The following MTCL3 variants were observed in gnomAD, a reference collection of about 807,000 sequenced individuals.
MTCL3 encodes the protein microtubule cross-linking factor 3.
At chr6:127,475,556 G>A in the MTCL3 span, 1 of 1,610,878 alleles carries the variant, frequency 6.2e-7, no homozygotes, top group South Asian at 1.1e-5. This position sits in a 1 kb window ranked among gnomAD's most constrained non-coding sequence, Gnocchi z 7.3. Flanking sequence ...TTGCCCAGGC[G>A]CTCGGCCTCC....
chr6:127,496,001 G>A, the MTCL3 span, among the ~76,000 whole-genome samples: 3 of 152,060 alleles, frequency 2.0e-5, no homozygotes, highest in South Asian at 2.1e-4. Flanking sequence ...AGGCTGAGGC[G>A]GGTGGACTGC....
chr6:127,490,646 G>A, the MTCL3 span, among the ~76,000 whole-genome samples: 97 of 152,024 alleles, frequency 6.4e-4, no homozygotes, highest in Middle Eastern at 0.024. Context: ...GTGAAACTCC[G>A]TCTCTACTAA....
At chr6:127,509,669 C>A in the MTCL3 span, among the ~76,000 whole-genome samples, 4 of 152,154 alleles carry the variant, frequency 2.6e-5, no homozygotes, top group Admixed American at 2.0e-4. Flanking sequence ...CATCACTCAC[C>A]AAATTAACCA....
At chr6:127,476,487 G>C in the MTCL3 span, 13 of 1,538,972 alleles carry the variant, frequency 8.4e-6, no homozygotes, top group Non-Finnish European at 1.1e-5. The surrounding 1 kb of genome is among the most constrained non-coding windows in gnomAD (Gnocchi z 4.4). Flanking sequence ...GGGGAAAAGA[G>C]GGAAAAGGAT....
At chr6:127,497,717 A>G in the MTCL3 span, among the ~76,000 whole-genome samples, 2 of 152,220 alleles carry the variant, frequency 1.3e-5, no homozygotes, top group African/African-American at 4.8e-5. Context: ...AAAAAGCCAC[A>G]CAGTGAGTAT....
At chr6:127,516,765 G>C in the MTCL3 span, 1 of 1,327,050 alleles carries the variant, frequency 7.5e-7, no homozygotes, top group East Asian at 2.6e-5. Context: ...AGCAAAGGGT[G>C]ATATTGCTCC....
At chr6:127,493,818 AT>A in the MTCL3 span, among the ~76,000 whole-genome samples, 1 of 152,170 alleles carries the variant, frequency 6.6e-6, no homozygotes, top group South Asian at 2.1e-4. Flanking sequence ...ATTTTGTTTT[AT>A]TTTTTTAAAT....
the MTCL3 span, among the ~76,000 whole-genome samples, chr6:127,490,609 G>A: frequency 3.3e-5 from 5 of 151,856 alleles, no homozygotes; most frequent in Non-Finnish European, 7.4e-5. Flanking sequence ...ATGAGGTCAA[G>A]AGATTGAGAC....
chr6:127,487,143 G>A, the MTCL3 span, among the ~76,000 whole-genome samples: 1 of 152,062 alleles, frequency 6.6e-6, no homozygotes, highest in Non-Finnish European at 1.5e-5. Context: ...TGGATTTATC[G>A]CTCAGCTAGC....
the MTCL3 span, among the ~76,000 whole-genome samples, chr6:127,492,251 C>T: frequency 1.3e-4 from 20 of 152,132 alleles, no homozygotes; most frequent in Non-Finnish European, 2.6e-4. Context: ...TTTTAAGCCA[C>T]AAAGTTTTGG....
the MTCL3 span, among the ~76,000 whole-genome samples, chr6:127,498,765 C>T: frequency 0.016 from 2,451 of 152,136 alleles, 39 homozygotes; most frequent in Non-Finnish European, 0.022. Flanking sequence ...TACTGATACA[C>T]GCTACAGGGA....
the MTCL3 span, among the ~76,000 whole-genome samples, chr6:127,482,067 T>G: frequency 6.6e-6 from 1 of 152,224 alleles, no homozygotes; most frequent in Non-Finnish European, 1.5e-5. This position sits in a 1 kb window ranked among gnomAD's most constrained non-coding sequence, Gnocchi z 4.1. Context: ...CACCCCTTGT[T>G]TAGCATATCA....
the MTCL3 span, chr6:127,515,780 G>T: frequency 6.2e-7 from 1 of 1,606,842 alleles, no homozygotes. This position sits in a 1 kb window ranked among gnomAD's most constrained non-coding sequence, Gnocchi z 4.3. Context: ...TTCTTAGCGT[G>T]CATCTGAGCC....
chr6:127,489,135 A>T, the MTCL3 span, among the ~76,000 whole-genome samples: 1 of 152,150 alleles, frequency 6.6e-6, no homozygotes, highest in Non-Finnish European at 1.5e-5. Flanking sequence ...ATTATCTCAG[A>T]CTTTCTCATT....
At chr6:127,515,663 G>A in the MTCL3 span, 2 of 1,499,320 alleles carry the variant, frequency 1.3e-6, no homozygotes, top group Non-Finnish European at 1.8e-6. The surrounding 1 kb of genome is among the most constrained non-coding windows in gnomAD (Gnocchi z 4.3). Flanking sequence ...CTCTGCTGGG[G>A]GCCCTCCGCC....
chr6:127,506,801 G>C, the MTCL3 span, among the ~76,000 whole-genome samples: 3 of 151,950 alleles, frequency 2.0e-5, no homozygotes, highest in Non-Finnish European at 2.9e-5. Flanking sequence ...GGGTGGTCTC[G>C]ATCTCCTGAC....
chr6:127,519,040 G>A, the MTCL3 span: 1 of 151,878 alleles, frequency 6.6e-6, no homozygotes, highest in Non-Finnish European at 1.5e-5. Flanking sequence ...GGCGGGGAGG[G>A]GGACGGGGGA....
At chr6:127,496,242 T>G in the MTCL3 span, among the ~76,000 whole-genome samples, 1 of 152,228 alleles carries the variant, frequency 6.6e-6, no homozygotes, top group Non-Finnish European at 1.5e-5. Flanking sequence ...CTGTTCATAT[T>G]GTTACTCAAA....
chr6:127,505,641 A>G, the MTCL3 span, among the ~76,000 whole-genome samples: 1 of 152,194 alleles, frequency 6.6e-6, no homozygotes, highest in Non-Finnish European at 1.5e-5. Context: ...CTATGTAACA[A>G]ACTTACACTT....
Sources: gnomAD v4.1 joint callset for allele counts (sites outside exome capture counted in the v4.1 genomes callset) on GRCh38, gnomAD v4.1.1 for gene constraint, Gnocchi (gnomAD v3.1) non-coding constraint, MANE v1.5 for transcripts, NCBI Gene and HGNC (gene_info 2026-07-23, HGNC 2026-07-21) for gene names.